Variants in UGT1A3 observed in about 807,000 individuals in gnomAD.
The protein encoded by UGT1A3 is UDP glucuronosyltransferase family 1 member A3.
Under a neutral mutation model 41.0 loss-of-function variants are expected in UGT1A3, and 31 were observed. The observed-to-expected ratio is 0.76, with a 90% CI of 0.57 to 1.02. The LOEUF is 1.02. UGT1A3 is among the 50% of genes least tolerant of loss of function. The pLI is 0.00. For missense variants in UGT1A3, 737 were observed against 671.0 expected, an observed-to-expected ratio of 1.10 and a Z score of -1.09; for synonymous variants, 262 against 257.6, an observed-to-expected ratio of 1.02 and a Z score of -0.17.
At chr2:233,763,063 T>C (rs1220667382) in intron 1 of UGT1A3, among the ~76,000 whole-genome samples, 1 of 152,230 alleles carries the variant, frequency 6.6e-6, no homozygotes, top group Admixed American at 6.5e-5. Flanking sequence ...TTTAGATAAT[T>C]TCCTTCTTTG....
At chr2:233,752,307 G>C (rs1030795011) in intron 1 of UGT1A3, 2 of 152,160 alleles carry the variant, frequency 1.3e-5, no homozygotes, top group African/African-American at 4.8e-5. Context: ...TTCCTTGCCC[G>C]GTGTGCTTGG....
intron 4 of UGT1A3, chr2:233,771,640 G>C (rs183876140): frequency 4.5e-4 from 68 of 152,464 alleles, no homozygotes; most frequent in African/African-American, 1.6e-3. Context: ...TTATTTTACT[G>C]TATGAAAATA....
At chr2:233,757,543 T>TACATATACATATAC (rs1320189051) in intron 1 of UGT1A3, among the ~76,000 whole-genome samples, 2 of 117,340 alleles carry the variant, frequency 1.7e-5, no homozygotes, top group African/African-American at 7.1e-5. Flanking sequence ...GGAATATATA[T>TACATATACATATAC]ATATATATAT....
intron 1 of UGT1A3, among the ~76,000 whole-genome samples, chr2:233,731,386 C>A (rs2125763293): frequency 6.6e-6 from 1 of 152,052 alleles, no homozygotes; most frequent in Admixed American, 6.6e-5. Flanking sequence ...CCTGCACCCA[C>A]CAACTCGTCA....
intron 1 of UGT1A3, among the ~76,000 whole-genome samples, chr2:233,731,819 C>T (rs1478115630): frequency 1.3e-5 from 2 of 152,132 alleles, no homozygotes; most frequent in Non-Finnish European, 2.9e-5. Context: ...ATGGCTGTGT[C>T]AAATGGTATT....
At chr2:233,765,641 G>C (rs914163891) in intron 1 of UGT1A3, among the ~76,000 whole-genome samples, 18 of 151,492 alleles carry the variant, frequency 1.2e-4, no homozygotes, top group Admixed American at 9.9e-4. Flanking sequence ...TTAGAGGATA[G>C]GTCAATAGGT....
At chr2:233,742,842 A>G (rs1167043204) in intron 1 of UGT1A3, 1 of 158,994 alleles carries the variant, frequency 6.3e-6, no homozygotes, top group Non-Finnish European at 1.4e-5. Flanking sequence ...TACACACTAA[A>G]CAATAAAGTC....
At position 233,772,691 on chromosome 2, in the gene UGT1A3, T is replaced by G. The variant is rs1314986383; in HGVS notation, c.*132T>G. ...TTGCATAAATTAATCAGCCCCAGAG[T>G]GCTTTAAAAAATTCTCTTAAATAAA... On this transcript the variant is annotated 3_prime_UTR_variant, in exon 5 of 5. Transcript: ENST00000482026. 1 of 1,488,486 alleles carries G rather than the reference T, an allele frequency of 6.7e-7. No individual in the cohort carries two copies. Among genetic ancestry groups the G allele is most frequent in the African/African-American group, 1.4e-5 (1 of 70,486 alleles). The allele number at this position is 1,488,486 out of a possible 1,614,324, so 92.2% of individuals were successfully genotyped here. A position where few individuals can be genotyped will look rare whatever the true frequency, so the allele number is the denominator to read the frequency against.
chr2:233,730,518 T>A (rs1423750757), intron 1 of UGT1A3, among the ~76,000 whole-genome samples: 1 of 152,032 alleles, frequency 6.6e-6, no homozygotes, highest in South Asian at 2.1e-4. Context: ...TCAGTGGAAG[T>A]GGGGCAATGA....
intron 1 of UGT1A3, chr2:233,743,960 G>A (rs745723342): frequency 3.1e-5 from 42 of 1,334,096 alleles, no homozygotes; most frequent in South Asian, 3.6e-5. Flanking sequence ...CACAGCGAGC[G>A]GCAAGGCTGC....
rs1253832448 is a variant in UGT1A3 at position 233,729,592 on chromosome 2, C to A, written c.466C>A (p.Leu156Ile). The change falls in exon 1 of 5, where the codon CTC (leucine) becomes ATC (isoleucine). Residue 156 changes from leucine (L) to isoleucine (I), a missense_variant. Leu to Ile is a conservative substitution (Grantham distance 5, BLOSUM62 2). Transcript: ENST00000482026. Reference sequence around the variant, plus strand: ...TGTGGTTTTAACAGACCCCGTTAACCTCTGCGCGGCAGTGCTGGCTAAGTA... The same window carrying A: ...TGTGGTTTTAACAGACCCCGTTAACATCTGCGCGGCAGTGCTGGCTAAGTA... ...FDVVLTDPVN[L>I]CAAVLAKYLS... 1 of 1,613,966 alleles carries A rather than the reference C, an allele frequency of 6.2e-7. No homozygotes were observed. Among genetic ancestry groups the A allele is most frequent in the African/African-American group, 1.3e-5 (1 of 74,892 alleles).
chr2:233,752,549 C>G (rs1323378417), intron 1 of UGT1A3: 4 of 152,146 alleles, frequency 2.6e-5, no homozygotes, highest in Admixed American at 2.0e-4. Context: ...AATGCTCTTG[C>G]TGGGACAACA....
At chr2:233,771,698 A>G (rs892218397) in intron 4 of UGT1A3, 1 of 152,738 alleles carries the variant, frequency 6.5e-6, no homozygotes, top group Non-Finnish European at 1.5e-5. Flanking sequence ...GAAGAAGAGT[A>G]GGAAGCAAGG....
At chr2:233,735,509 C>T (rs185084136) in intron 1 of UGT1A3, among the ~76,000 whole-genome samples, 17 of 152,270 alleles carry the variant, frequency 1.1e-4, no homozygotes, top group Middle Eastern at 3.4e-3. Flanking sequence ...AGCCCATTTA[C>T]ATTTAAGGTA....
In UGT1A3 at chr2:233,747,539, A is replaced by G; in HGVS notation, c.867+17546A>G. 4 of 1,604,572 alleles carry G rather than the reference A, an allele frequency of 2.5e-6. No individual in the cohort carries two copies. The South Asian group carries it at 3.3e-5, about 13-fold the overall frequency. ...TTGAAACAGAACATTTTCTGAAGAC[A>G]TTTTCTAAAAGTATGGCAATTTTGA... On this transcript the variant is annotated intron_variant, in intron 1 of 4. Transcript: ENST00000482026.
At chr2:233,760,285 G>T (rs376515645) in intron 1 of UGT1A3, 112 of 1,612,816 alleles carry the variant, frequency 6.9e-5, no homozygotes, top group Non-Finnish European at 8.9e-5. Flanking sequence ...GAGCAAAGGC[G>T]CCATGGCTGT....
chr2:233,767,201 T>C lies in UGT1A3; in HGVS notation c.999+36T>C, dbSNP rs756377002. 1.3e-4 allele frequency: 211 copies of C among 1,613,460 alleles called. 4 individuals are homozygous for C. In the South Asian group the frequency reaches 2.3e-3, roughly 17 times the overall value. ...TCTATACCATGGCCTCATATCTATT[T>C]TCACAGGAGCGCTAATCCCAGACTT... On this transcript the variant is annotated intron_variant, in intron 2 of 4. Transcript: ENST00000482026.
rs766714471 is a variant in UGT1A3 at position 233,754,631 on chromosome 2, T to C, written c.868-12403T>C. On this transcript the variant is annotated intron_variant, in intron 1 of 4. Coordinates refer to ENST00000482026, the MANE Select transcript of UGT1A3 (RefSeq NM_019093.4). ...CTCCATCTTCCTCCACTTCCACCCT[T>C]TCTTGGCCATTCTCAATGATTCTCT... The C allele has an allele frequency of 1.3e-4, 58 of 444,366 alleles. 1 individual carries two copies. Among genetic ancestry groups the C allele is most frequent in the South Asian group, 8.9e-4 (56 of 63,060 alleles). The allele number at this position is 444,366 out of a possible 1,614,324, so 27.5% of individuals were successfully genotyped here.
At chr2:233,741,063 A>T (rs1349514104) in intron 1 of UGT1A3, among the ~76,000 whole-genome samples, 1 of 151,878 alleles carries the variant, frequency 6.6e-6, no homozygotes, top group Non-Finnish European at 1.5e-5. Flanking sequence ...ACAGCTACAG[A>T]GCGAGACCCT....
Sources: allele counts gnomAD v4.1 joint callset (sites outside exome capture counted in the v4.1 genomes callset), GRCh38; gene constraint gnomAD v4.1.1; transcripts MANE v1.5; gene names NCBI Gene and HGNC (gene_info 2026-07-23, HGNC 2026-07-21).